SHANK2: variants seen among roughly 807,000 people sequenced by gnomAD.
The protein encoded by SHANK2 is SH3 and multiple ankyrin repeat domains 2, also known as SH3 and multiple ankyrin repeat domains protein 2.
SHANK2 carries 43 observed loss-of-function variants against 133.7 expected under a neutral mutation model. That is an observed-to-expected ratio of 0.32 (90% CI 0.25 to 0.41). The LOEUF (loss-of-function observed/expected upper bound fraction) is 0.41, where lower values mean the gene tolerates loss of function less well. Ranked by LOEUF, SHANK2 falls within the 10% of genes least tolerant of loss-of-function variation. The pLI, the probability that SHANK2 is intolerant of heterozygous loss-of-function variation, is 1.00. For missense variants in SHANK2, 1,994 were observed against 2,235.8 expected, an observed-to-expected ratio of 0.89 and a Z score of 2.18; for synonymous variants, 1,017 against 952.8, an observed-to-expected ratio of 1.07 and a Z score of -1.24.
intron 10 of SHANK2, chr11:70,952,761 T>C (rs1555086949): frequency 7.1e-6 from 3 of 420,204 alleles, no homozygotes; most frequent in Admixed American, 5.5e-5. Context: ...CGGGGGGGCC[T>C]GAGCAGCAGA....
intron 5 of SHANK2, among the ~76,000 whole-genome samples, chr11:71,111,711 G>GA (rs1297664065): frequency 6.6e-6 from 1 of 152,162 alleles, no homozygotes; most frequent in Admixed American, 6.5e-5. Flanking sequence ...TGTATGTTTC[G>GA]GAACTAGAAC....
chr11:71,152,907 G>C (rs2135431693), intron 2 of SHANK2, among the ~76,000 whole-genome samples: 1 of 152,264 alleles, frequency 6.6e-6, no homozygotes, highest in East Asian at 1.9e-4. Context: ...AACTCCCGGG[G>C]AGAGCCACCA....
chr11:70,723,680 C>T (rs782366975), intron 14 of SHANK2, among the ~76,000 whole-genome samples: 1 of 152,126 alleles, frequency 6.6e-6, no homozygotes, highest in Non-Finnish European at 1.5e-5. Context: ...CAACAGGTGA[C>T]TAATCAAGTC....
chr11:71,071,694 C>T (rs1051583590), intron 9 of SHANK2, among the ~76,000 whole-genome samples: 5 of 152,182 alleles, frequency 3.3e-5, no homozygotes, highest in Admixed American at 2.0e-4. Flanking sequence ...GAAGATTGAA[C>T]AGCTAGAAGC....
At chr11:71,104,774 G>A (rs1463290546) in intron 6 of SHANK2, among the ~76,000 whole-genome samples, 3 of 152,108 alleles carry the variant, frequency 2.0e-5, no homozygotes, top group Admixed American at 6.5e-5. Context: ...CTCCTGATTT[G>A]GAAAAAACAA....
At chr11:70,861,980 G>C (rs562836688) in intron 11 of SHANK2, among the ~76,000 whole-genome samples, 10 of 152,176 alleles carry the variant, frequency 6.6e-5, no homozygotes, top group Non-Finnish European at 1.3e-4. Flanking sequence ...AGAGAGCAGG[G>C]GGCAGGGGCA....
intron 17 of SHANK2, among the ~76,000 whole-genome samples, chr11:70,638,288 AC>A (rs2061132384): frequency 6.6e-6 from 1 of 152,194 alleles, no homozygotes; most frequent in African/African-American, 2.4e-5. Flanking sequence ...CTGGCAATGG[AC>A]CACAAGCTAC....
chr11:71,135,962 C>T (rs1555104706), intron 3 of SHANK2, among the ~76,000 whole-genome samples: 1 of 152,076 alleles, frequency 6.6e-6, no homozygotes, highest in Non-Finnish European at 1.5e-5. Flanking sequence ...ACAACACAGG[C>T]TTGCGGGGGT....
chr11:70,867,281 G>A (rs751613525), intron 11 of SHANK2, among the ~76,000 whole-genome samples: 3 of 152,198 alleles, frequency 2.0e-5, no homozygotes, highest in African/African-American at 4.8e-5. Context: ...GCTCTTGTCC[G>A]AGTCCTCAGT....
intron 2 of SHANK2, among the ~76,000 whole-genome samples, chr11:71,180,268 G>A (rs558323864): frequency 1.3e-4 from 20 of 152,232 alleles, no homozygotes; most frequent in Non-Finnish European, 2.5e-4. Flanking sequence ...AACAAACCAC[G>A]GGGCACAGAA....
intron 17 of SHANK2, among the ~76,000 whole-genome samples, chr11:70,585,814 C>T (rs2060241500): frequency 6.7e-6 from 1 of 149,786 alleles, no homozygotes; most frequent in African/African-American, 2.5e-5. Flanking sequence ...AACCACTCAT[C>T]TATCCATTTG....
intron 9 of SHANK2, among the ~76,000 whole-genome samples, chr11:71,056,981 A>T (rs1336869677): frequency 6.6e-6 from 1 of 152,174 alleles, no homozygotes; most frequent in Non-Finnish European, 1.5e-5. Flanking sequence ...AACAAGGCAG[A>T]TGACTATGAA....
intron 17 of SHANK2, among the ~76,000 whole-genome samples, chr11:70,658,415 A>C (rs976329064): frequency 1.3e-5 from 2 of 152,104 alleles, no homozygotes; most frequent in African/African-American, 4.8e-5. Context: ...TTAGCCCACA[A>C]AGCCACAGCG....
At chr11:71,065,643 G>T (rs1386531035) in intron 9 of SHANK2, among the ~76,000 whole-genome samples, 67 of 141,628 alleles carry the variant, frequency 4.7e-4, no homozygotes, top group Non-Finnish European at 9.2e-4. Flanking sequence ...ACTCTCCCAG[G>T]GAGATGAGCA....
At chr11:70,644,803 A>C (rs1253869961) in intron 17 of SHANK2, among the ~76,000 whole-genome samples, 4 of 152,174 alleles carry the variant, frequency 2.6e-5, no homozygotes, top group Admixed American at 2.0e-4. Flanking sequence ...TCAGCAAACA[A>C]CAGCCCATGC....
intron 14 of SHANK2, among the ~76,000 whole-genome samples, chr11:70,777,038 C>T (rs1389412239): frequency 6.7e-6 from 1 of 148,846 alleles, no homozygotes; most frequent in Non-Finnish European, 1.5e-5. Context: ...TTCATCTACC[C>T]ACCCACCCAC....
chr11:70,769,049 C>A (rs951853896), intron 14 of SHANK2, among the ~76,000 whole-genome samples: 14 of 152,186 alleles, frequency 9.2e-5, no homozygotes, highest in Non-Finnish European at 1.9e-4. Context: ...TAGGCCACCA[C>A]TCTTCCCCAG....
chr11:70,627,720 AAGGT>A (rs2060923510), intron 17 of SHANK2, among the ~76,000 whole-genome samples: 1 of 152,222 alleles, frequency 6.6e-6, no homozygotes, highest in Non-Finnish European at 1.5e-5. Context: ...ACATAGCCTG[AAGGT>A]AATTTTATAC....
intron 11 of SHANK2, among the ~76,000 whole-genome samples, chr11:70,867,245 T>C (rs925686382): frequency 2.0e-5 from 3 of 150,832 alleles, no homozygotes; most frequent in Non-Finnish European, 2.9e-5. Context: ...CGGGTAGGGG[T>C]AGGTGGAGGG....
Sources: gnomAD v4.1 joint callset for allele counts (sites outside exome capture counted in the v4.1 genomes callset) on GRCh38, gnomAD v4.1.1 for gene constraint, MANE v1.5 for transcripts, NCBI Gene and HGNC (gene_info 2026-07-23, HGNC 2026-07-21) for gene names.